Variants in LARGE1 observed in about 807,000 individuals in gnomAD.
The protein encoded by LARGE1 is xylosyl- and glucuronyltransferase LARGE1.
A neutral mutation model predicts 87.6 loss-of-function variants in LARGE1; 43 were observed. That is an observed-to-expected ratio of 0.49 (90% CI 0.38 to 0.63). The LOEUF is 0.63. LARGE1 is among the 30% of genes least tolerant of loss of function. The pLI is 0.00. For synonymous variants in LARGE1, 434 were observed against 394.6 expected (o/e 1.10, Z -1.18); for missense variants, 802 against 1,000.2 (o/e 0.80, Z 2.67).
chr22:33,419,456 T>C (rs1275345383), intron 7 of LARGE1, among the ~76,000 whole-genome samples: 3 of 151,844 alleles, frequency 2.0e-5, no homozygotes, highest in African/African-American at 7.3e-5. Context: ...GCCTGCTTGG[T>C]GGCCTTTGCA....
intron 2 of LARGE1, among the ~76,000 whole-genome samples, chr22:33,669,497 C>T (rs533291705): frequency 6.6e-6 from 1 of 152,318 alleles, no homozygotes; most frequent in East Asian, 1.9e-4. Context: ...GAAAAGCCAC[C>T]TGAGTTCTTT....
upstream of LARGE1, among the ~76,000 whole-genome samples, chr22:33,921,582 G>A (rs1488477612): frequency 6.6e-6 from 1 of 152,148 alleles, no homozygotes; most frequent in Non-Finnish European, 1.5e-5. This position sits in a 1 kb window ranked among gnomAD's most constrained non-coding sequence, Gnocchi z 4.1. Flanking sequence ...GGCTCTGACG[G>A]CATCTTTCTG....
At chr22:33,151,939 C>CAA in the LARGE1 span, among the ~76,000 whole-genome samples, 174 of 109,752 alleles carry the variant, frequency 1.6e-3, no homozygotes, top group African/African-American at 5.0e-3. Context: ...ATGTTGGCCT[C>CAA]AAAAAAAAAA....
In LARGE1 at chr22:33,339,152, AAT is replaced by A. The variant is rs1491420208; in HGVS notation, c.1132-1353_1132-1352del. ...AACAAAGCGAGACTCCGTCTCAAAA[AAT>A]AAAAAAAAAAAAAAAAAAAGAAGAA... On this transcript the variant is annotated intron_variant, in intron 9 of 14. Coordinates refer to ENST00000397394, the MANE Select transcript of LARGE1 (RefSeq NM_133642.5). Among the ~76,000 whole-genome samples the A allele has an allele frequency of 7.3e-3, 1,071 of 146,972 alleles. 18 individuals carry two copies. Among genetic ancestry groups the A allele is most frequent in the African/African-American group, 0.023 (863 of 37,798 alleles).
At chr22:33,372,130 C>A (rs1040452191) in intron 9 of LARGE1, among the ~76,000 whole-genome samples, 3 of 152,060 alleles carry the variant, frequency 2.0e-5, no homozygotes, top group African/African-American at 7.2e-5. Context: ...ATGTCTGGGT[C>A]ATTTCCATAA....
At chr22:33,867,697 T>C (rs982575013) in intron 1 of LARGE1, among the ~76,000 whole-genome samples, 2 of 152,254 alleles carry the variant, frequency 1.3e-5, no homozygotes, top group African/African-American at 4.8e-5. Context: ...ACCAGCAGGC[T>C]GGGCCTCAGA....
At chr22:33,108,560 G>A in the LARGE1 span, 1 of 152,244 alleles carries the variant, frequency 6.6e-6, no homozygotes, top group South Asian at 2.1e-4. Flanking sequence ...GGAAGGATGG[G>A]GGTTGGGGGA....
At chr22:33,106,500 T>G in the LARGE1 span, among the ~76,000 whole-genome samples, 5 of 152,102 alleles carry the variant, frequency 3.3e-5, no homozygotes, top group Admixed American at 2.6e-4. Flanking sequence ...TTCCTTTTTT[T>G]TTTTTCTTTT....
At chr22:33,802,881 T>C (rs925386315) in intron 1 of LARGE1, among the ~76,000 whole-genome samples, 7 of 152,074 alleles carry the variant, frequency 4.6e-5, no homozygotes, top group African/African-American at 1.7e-4. Flanking sequence ...ACCCCAGTAC[T>C]TCAGTGCCTT....
At chr22:33,662,134 A>C (rs2081144750) in intron 2 of LARGE1, among the ~76,000 whole-genome samples, 1 of 151,830 alleles carries the variant, frequency 6.6e-6, no homozygotes. Flanking sequence ...AAAGTGGCCA[A>C]ATTTGTGTTG....
chr22:33,530,145 T>C (rs1286411410), intron 6 of LARGE1, among the ~76,000 whole-genome samples: 1 of 152,212 alleles, frequency 6.6e-6, no homozygotes, highest in East Asian at 1.9e-4. Flanking sequence ...GAAGAAGGGA[T>C]TTTAGCTTTG....
chr22:33,225,950 C>T (rs893061056), intron 11 of LARGE1, among the ~76,000 whole-genome samples: 3 of 152,148 alleles, frequency 2.0e-5, no homozygotes, highest in Admixed American at 2.0e-4. Flanking sequence ...TTTTCTTTAT[C>T]CAGTCTACCA....
At chr22:33,106,660 T>G in the LARGE1 span, among the ~76,000 whole-genome samples, 5 of 152,160 alleles carry the variant, frequency 3.3e-5, no homozygotes, top group Non-Finnish European at 5.9e-5. Flanking sequence ...CATGCCCAGC[T>G]AATTTTTGTA....
intron 11 of LARGE1, among the ~76,000 whole-genome samples, chr22:33,206,693 CTCTG>C (rs1924705946): frequency 6.6e-6 from 1 of 152,220 alleles, no homozygotes; most frequent in East Asian, 1.9e-4. Flanking sequence ...TCCAATAGGT[CTCTG>C]CTCCTCCATA....
chr22:33,496,805 C>T (rs1454937094), intron 6 of LARGE1, among the ~76,000 whole-genome samples: 1 of 152,188 alleles, frequency 6.6e-6, no homozygotes, highest in Non-Finnish European at 1.5e-5. Context: ...TTAAAAACTC[C>T]TAATTTTTCT....
the LARGE1 span, among the ~76,000 whole-genome samples, chr22:33,080,248 C>T: frequency 1.3e-5 from 2 of 152,188 alleles, no homozygotes; most frequent in Admixed American, 1.3e-4. Flanking sequence ...TGCATCACCT[C>T]ATTTAATTCT....
At chr22:33,561,934 G>A (rs1195648269) in intron 6 of LARGE1, among the ~76,000 whole-genome samples, 2 of 152,250 alleles carry the variant, frequency 1.3e-5, no homozygotes, top group East Asian at 3.9e-4. Context: ...CTTTCACAGC[G>A]CCACAAAGGA....
At chr22:33,082,780 C>T in the LARGE1 span, among the ~76,000 whole-genome samples, 3 of 152,148 alleles carry the variant, frequency 2.0e-5, no homozygotes, top group African/African-American at 7.2e-5. Flanking sequence ...TAATAAACTA[C>T]CTTGGGAGGC....
chr22:33,584,853 A>G (rs1287927878), intron 5 of LARGE1, among the ~76,000 whole-genome samples: 2 of 152,242 alleles, frequency 1.3e-5, no homozygotes, highest in Non-Finnish European at 2.9e-5. Flanking sequence ...GCATTGGCTC[A>G]CGCCTGTAAT....
Sources: allele counts gnomAD v4.1 joint callset (sites outside exome capture counted in the v4.1 genomes callset), GRCh38; gene constraint gnomAD v4.1.1; non-coding constraint Gnocchi (gnomAD v3.1); transcripts MANE v1.5; gene names NCBI Gene and HGNC (gene_info 2026-07-23, HGNC 2026-07-21).